The following LPP variants were observed in gnomAD, a reference collection of about 807,000 sequenced individuals.
The protein encoded by LPP is lipoma-preferred partner.
A neutral mutation model predicts 60.4 loss-of-function variants in LPP; 38 were observed. The observed-to-expected ratio is 0.63, with a 90% CI of 0.49 to 0.83. The LOEUF is 0.83. Ranked by LOEUF, LPP falls within the 40% of genes least tolerant of loss-of-function variation. The probability of loss-of-function intolerance (pLI) is 0.00; values close to 1 mark genes in which losing one functional copy is unlikely to be tolerated. For synonymous variants in LPP, 328 were observed against 290.8 expected (o/e 1.13, Z -1.30); for missense variants, 902 against 783.6 (o/e 1.15, Z -1.80).
At chr3:188,233,517 T>C (rs138796932) in intron 2 of LPP, among the ~76,000 whole-genome samples, 1 of 152,340 alleles carries the variant, frequency 6.6e-6, no homozygotes, top group Non-Finnish European at 1.5e-5. Flanking sequence ...TGTTTTCCTT[T>C]TAAATCTGAG....
At chr3:188,828,196 A>G (rs1184014605) in intron 9 of LPP, among the ~76,000 whole-genome samples, 1 of 152,142 alleles carries the variant, frequency 6.6e-6, no homozygotes, top group Non-Finnish European at 1.5e-5. Flanking sequence ...GGCAAATTAT[A>G]TAGAATATTG....
intron 6 of LPP, among the ~76,000 whole-genome samples, chr3:188,548,729 G>A (rs996999034): frequency 1.3e-5 from 2 of 152,178 alleles, no homozygotes; most frequent in African/African-American, 4.8e-5. Context: ...GAAGAATCAG[G>A]ATGGACTGGA....
intron 2 of LPP, among the ~76,000 whole-genome samples, chr3:188,308,613 C>T (rs761186842): frequency 7.9e-5 from 12 of 152,182 alleles, no homozygotes; most frequent in Non-Finnish European, 1.8e-4. Context: ...CGCTGGTTGT[C>T]AGCCTTGCTG....
chr3:188,173,911 C>T (rs756854236), intron 1 of LPP, among the ~76,000 whole-genome samples: 12 of 152,186 alleles, frequency 7.9e-5, no homozygotes, highest in Non-Finnish European at 1.5e-4. Context: ...GGGTTTGGAT[C>T]CAGGCTCCTC....
At chr3:188,477,787 G>C (rs891316228) in intron 4 of LPP, among the ~76,000 whole-genome samples, 5 of 152,182 alleles carry the variant, frequency 3.3e-5, no homozygotes, top group African/African-American at 1.2e-4. Context: ...GCAACTTGCT[G>C]TTATCAATAG....
At chr3:188,613,381 TC>T (rs1368617506) in intron 7 of LPP, among the ~76,000 whole-genome samples, 1 of 151,640 alleles carries the variant, frequency 6.6e-6, no homozygotes, top group Non-Finnish European at 1.5e-5. Flanking sequence ...GCTTGAAAGT[TC>T]CAGTGCTAGG....
intron 7 of LPP, among the ~76,000 whole-genome samples, chr3:188,655,754 T>C (rs1853050509): frequency 6.6e-6 from 1 of 152,146 alleles, no homozygotes; most frequent in Non-Finnish European, 1.5e-5. Context: ...ATAGAGAGAA[T>C]TGGTCTATAC....
chr3:188,850,411 G>A (rs1762437702), intron 9 of LPP, among the ~76,000 whole-genome samples: 1 of 152,128 alleles, frequency 6.6e-6, no homozygotes, highest in African/African-American at 2.4e-5. Flanking sequence ...GGGTAAAGGA[G>A]AGGAGAAATT....
rs140383500 is a variant in LPP at position 188,523,154 on chromosome 3, G to A, written c.307-1511G>A. ...ACTCCTGGCCTCAGATAATCCACCC[G>A]CCTTGGCCTCGAAACCTGCTGAGAT... On this transcript the variant is annotated intron_variant, in intron 5 of 11. Transcript: ENST00000617246. Among the ~76,000 whole-genome samples, 28 of 152,086 alleles carry A rather than the reference G, an allele frequency of 1.8e-4. No homozygotes were observed. In the East Asian group the frequency reaches 4.1e-3, roughly 22 times the overall value.
intron 8 of LPP, among the ~76,000 whole-genome samples, chr3:188,756,384 C>T (rs1399578232): frequency 2.0e-5 from 3 of 152,202 alleles, no homozygotes; most frequent in Non-Finnish European, 4.4e-5. Flanking sequence ...CACACCAGCC[C>T]TGGGTCTGAG....
At chr3:188,240,376 T>TGTGTGAGA (rs534393899) in intron 2 of LPP, among the ~76,000 whole-genome samples, 2,444 of 143,210 alleles carry the variant, frequency 0.017, 29 homozygotes, top group Non-Finnish European at 0.026. Context: ...TGTGTGTGTG[T>TGTGTGAGA]GAGAGAGAGA....
At chr3:188,738,906 TA>T (rs913648933) in intron 8 of LPP, among the ~76,000 whole-genome samples, 3 of 152,088 alleles carry the variant, frequency 2.0e-5, no homozygotes, top group African/African-American at 7.2e-5. Flanking sequence ...GATTGGTCTT[TA>T]AAAAAATACT....
intron 8 of LPP, among the ~76,000 whole-genome samples, chr3:188,720,882 A>G (rs1382318218): frequency 6.6e-6 from 1 of 152,190 alleles, no homozygotes; most frequent in Non-Finnish European, 1.5e-5. Context: ...AACAGTGTAC[A>G]CTAGTGACTT....
chr3:188,872,268 A>G lies in LPP; in HGVS notation c.1590-375A>G, dbSNP rs144826608. Among the ~76,000 whole-genome samples the G allele has an allele frequency of 2.2e-4, 33 of 152,328 alleles. No individual in the cohort carries two copies. The East Asian group carries it at 6.4e-3, about 29-fold the overall frequency. ...ACCTAAGGAGTGCATACAAAAGTCT[A>G]GAAACAAAAGTCAGAAACAAATAGG... On this transcript the variant is annotated intron_variant, in intron 10 of 11. Transcript: ENST00000617246.
chr3:188,294,184 G>A (rs1027840945), intron 2 of LPP, among the ~76,000 whole-genome samples: 3 of 151,950 alleles, frequency 2.0e-5, no homozygotes, highest in Non-Finnish European at 2.9e-5. Flanking sequence ...AGTGGTTGCC[G>A]GCAGGGTTGG....
At chr3:188,760,933 A>T (rs1732109188) in intron 9 of LPP, among the ~76,000 whole-genome samples, 1 of 152,198 alleles carries the variant, frequency 6.6e-6, no homozygotes, top group Non-Finnish European at 1.5e-5. Context: ...ATACCTGGGT[A>T]ACTAAAAAAT....
chr3:188,581,808 C>G (rs1464698183), intron 6 of LPP, among the ~76,000 whole-genome samples: 1 of 152,156 alleles, frequency 6.6e-6, no homozygotes, highest in Non-Finnish European at 1.5e-5. Context: ...TCAGGTAACT[C>G]CTATTCTACT....
At chr3:188,507,233 T>G (rs1161730383) in intron 5 of LPP, among the ~76,000 whole-genome samples, 1 of 152,238 alleles carries the variant, frequency 6.6e-6, no homozygotes, top group Non-Finnish European at 1.5e-5. Flanking sequence ...CTTATCACCC[T>G]TTTGATGCTT....
At chr3:188,625,416 T>TA (rs1466185409) in intron 7 of LPP, among the ~76,000 whole-genome samples, 1 of 152,084 alleles carries the variant, frequency 6.6e-6, no homozygotes, top group East Asian at 1.9e-4. Flanking sequence ...AAAATAACAG[T>TA]AAAACCATTT....
Sources: gnomAD v4.1 joint callset for allele counts (sites outside exome capture counted in the v4.1 genomes callset) on GRCh38, gnomAD v4.1.1 for gene constraint, MANE v1.5 for transcripts, NCBI Gene and HGNC (gene_info 2026-07-23, HGNC 2026-07-21) for gene names.